GALP: variants seen among roughly 807,000 people sequenced by gnomAD.
The protein encoded by GALP is galanin like peptide, also known as galanin-like peptide.
GALP carries 12 observed loss-of-function variants against 15.2 expected under a neutral mutation model. The ratio of observed to expected loss-of-function variants is 0.79; its 90% CI spans 0.51 to 1.28. The LOEUF (loss-of-function observed/expected upper bound fraction) is 1.28, where lower values mean the gene tolerates loss of function less well. Among genes scored for constraint, GALP ranks in the 50% most tolerant of loss-of-function variants. The probability of loss-of-function intolerance (pLI) is 0.00; values close to 1 mark genes in which losing one functional copy is unlikely to be tolerated. For synonymous variants in GALP, 58 were observed against 55.1 expected (o/e 1.05, Z -0.23); for missense variants, 161 against 145.6 (o/e 1.11, Z -0.55).
At position 56,177,191 on chromosome 19, in the gene GALP, A is replaced by G. The variant is rs1324998590; in HGVS notation, c.83A>G (p.His28Arg). 1.9e-6 allele frequency: 3 copies of G among 1,612,710 alleles called. No individual in the cohort carries two copies. Among genetic ancestry groups the G allele is most frequent in the African/African-American group, 1.3e-5 (1 of 74,818 alleles). Residue 28 changes from histidine to arginine, a missense_variant, in exon 2 of 6, where the codon CAC becomes CGC. His to Arg is a conservative substitution (Grantham distance 29). Transcript: ENST00000357330. ...LAETPASAPA[H>R]RGRGGWTLNS... ...GAGACTCCAGCATCCGCACCTGCCC[A>G]CCGGGTAACGCCTCCCTAAGTTCCT...
intron 2 of GALP, among the ~76,000 whole-genome samples, chr19:56,178,521 C>CAAAAAAAAAAAAA (rs80223966): frequency 4.5e-4 from 39 of 85,728 alleles, no homozygotes; most frequent in African/African-American, 1.1e-3. Flanking sequence ...ACAACAACAA[C>CAAAAAAAAAAAAA]AAAAAAAAAA....
intron 2 of GALP, among the ~76,000 whole-genome samples, chr19:56,178,153 GT>G (rs911548552): frequency 5.7e-4 from 77 of 134,236 alleles, no homozygotes; most frequent in African/African-American, 2.0e-3. Context: ...TTAAAATGCA[GT>G]TTTTTTCTAA....
At chr19:56,181,376 TTCTTTG>T (rs1222973720) in intron 3 of GALP, among the ~76,000 whole-genome samples, 3 of 151,144 alleles carry the variant, frequency 2.0e-5, no homozygotes, top group East Asian at 1.9e-4. Context: ...TTAGCTGCTA[TTCTTTG>T]TCTCTCTCTC....
intron 2 of GALP, among the ~76,000 whole-genome samples, chr19:56,177,502 C>T (rs2032485665): frequency 7.8e-6 from 1 of 128,694 alleles, no homozygotes; most frequent in Non-Finnish European, 1.6e-5. Context: ...CAGAGCGAGA[C>T]TCCATCTCAA....
intron 2 of GALP, 33 bp from the exon 3 acceptor site, chr19:56,180,553 T>A (rs1168240537): frequency 6.2e-7 from 1 of 1,604,804 alleles, no homozygotes. Context: ...GCTTTCTGTC[T>A]GCTTGAGTCT....
At chr19:56,180,817 C>T (rs962416699) in intron 3 of GALP, among the ~76,000 whole-genome samples, 183 bp downstream of exon 3, 4 of 151,642 alleles carry the variant, frequency 2.6e-5, no homozygotes, top group Non-Finnish European at 4.4e-5. Flanking sequence ...GGAGCCAGAG[C>T]CTTGGGCCCA....
chr19:56,181,001 T>C (rs1380546351), intron 3 of GALP, among the ~76,000 whole-genome samples: 1 of 145,068 alleles, frequency 6.9e-6, no homozygotes, highest in Non-Finnish European at 1.5e-5. Context: ...CTCAGCTCAC[T>C]GCAACCTCCG....
At chr19:56,181,654 C>T (rs1490290364) in intron 3 of GALP, among the ~76,000 whole-genome samples, 24 of 151,998 alleles carry the variant, frequency 1.6e-4, no homozygotes, top group South Asian at 6.2e-4. Context: ...GTGATCCGCC[C>T]GCCTCAGCCT....
chr19:56,176,695 G>GCTGCCAGCTGCACCGGGGGGAGAGCCT (rs1430032691), intron 1 of GALP, among the ~76,000 whole-genome samples: 1 of 151,382 alleles, frequency 6.6e-6, no homozygotes. Flanking sequence ...CAGAGGGGTG[G>GCTGCCAGCTGCACCGGGGGGAGAGCCT]AGGGAGTGAG....
chr19:56,181,950 G>A (rs866392314), intron 3 of GALP, among the ~76,000 whole-genome samples: 1 of 152,162 alleles, frequency 6.6e-6, no homozygotes, highest in Non-Finnish European at 1.5e-5. Context: ...GTGGGTTCAA[G>A]CCCCAGTCCT....
At chr19:56,181,448 G>C (rs1400040431) in intron 3 of GALP, among the ~76,000 whole-genome samples, 1 of 113,722 alleles carries the variant, frequency 8.8e-6, no homozygotes, top group Non-Finnish European at 1.7e-5. Flanking sequence ...TTGTTATCTA[G>C]GCTGGAGTGC....
In GALP at chr19:56,177,155, T is replaced by A. The variant is rs1241680943; in HGVS notation, c.47T>A (p.Leu16Gln). Residue 16 changes from leucine to glutamine, a missense_variant, in exon 2 of 6, where the codon CTG becomes CAG. Physicochemically the swap from Leu to Gln is moderately radical, Grantham distance 113. Coordinates refer to ENST00000357330, the MANE Select transcript of GALP (RefSeq NM_033106.4). ...CTGGTCCTCCTCCTCGTCCTCTTGC[T>A]GAGCCTGGCAGAGACTCCAGCATCC... The part of the protein sequence containing the change: ...VPLVLLLVLL[L>Q]SLAETPASAP... 5.6e-6 allele frequency: 9 copies of A among 1,613,754 alleles called. No individual in the cohort carries two copies. The highest frequency in any genetic ancestry group is 7.6e-6 in the Non-Finnish European group (9 of 1,179,932).
At position 56,180,570 on chromosome 19, in the gene GALP, C is replaced by A. The variant is rs779208605; in HGVS notation, c.88-16C>A. ...TTTCTGTCTGCTTGAGTCTTGATTT[C>A]TGCATCTCTATCCAGGGACGAGGAG... On this transcript the variant is annotated splice_polypyrimidine_tract_variant and intron_variant, in intron 2 of 5. Transcript: ENST00000357330. 1 of 1,612,982 alleles carries A rather than the reference C, an allele frequency of 6.2e-7. No individual in the cohort carries two copies. Among genetic ancestry groups the A allele is most frequent in the East Asian group, 2.2e-5 (1 of 44,842 alleles).
intron 2 of GALP, among the ~76,000 whole-genome samples, chr19:56,179,124 C>T (rs1269146153): frequency 3.3e-5 from 5 of 150,422 alleles, no homozygotes; most frequent in South Asian, 2.1e-4. Flanking sequence ...TTGCGGTGAG[C>T]CAAGATGGCA....
intron 5 of GALP, among the ~76,000 whole-genome samples, chr19:56,183,651 G>A (rs2032604205): frequency 6.6e-6 from 1 of 152,160 alleles, no homozygotes; most frequent in Non-Finnish European, 1.5e-5. Context: ...AGGTTGGAGT[G>A]CAATGGTGCG....
At chr19:56,182,442 C>T (rs534965680) in intron 4 of GALP, among the ~76,000 whole-genome samples, 190 bp downstream of exon 4, 42 of 152,272 alleles carry the variant, frequency 2.8e-4, no homozygotes, top group African/African-American at 8.7e-4. Context: ...CTTTAATGTT[C>T]TTTTGTTACC....
At chr19:56,184,910 C>A (rs540237928) in intron 5 of GALP, among the ~76,000 whole-genome samples, 1 of 152,192 alleles carries the variant, frequency 6.6e-6, no homozygotes, top group Non-Finnish European at 1.5e-5. Context: ...AATTTCCATC[C>A]TCACCTCGAT....
chr19:56,177,308 A>C, intron 2 of GALP, 113 bp downstream of exon 2: 2 of 812,206 alleles, frequency 2.5e-6, no homozygotes, highest in Non-Finnish European at 4.0e-6. Context: ...GAAGAAGCTC[A>C]AATCCTGAAA....
intron 2 of GALP, among the ~76,000 whole-genome samples, chr19:56,178,290 C>A (rs949084998): frequency 1.3e-5 from 2 of 151,398 alleles, no homozygotes; most frequent in Middle Eastern, 6.8e-3. Flanking sequence ...ATAGTGAGAA[C>A]CTCCATCTCT....
Sources: gnomAD v4.1 joint callset for allele counts (sites outside exome capture counted in the v4.1 genomes callset) on GRCh38, gnomAD v4.1.1 for gene constraint, MANE v1.5 for transcripts, NCBI Gene and HGNC (gene_info 2026-07-23, HGNC 2026-07-21) for gene names.